Variants in ARPP21 observed in about 807,000 individuals in gnomAD.
ARPP21 encodes the protein cAMP-regulated phosphoprotein 21.
ARPP21 carries 69 observed loss-of-function variants against 113.2 expected under a neutral mutation model. That is an observed-to-expected ratio of 0.61 (90% CI 0.50 to 0.74). The LOEUF is 0.74. Ranked by LOEUF, ARPP21 falls within the 30% of genes least tolerant of loss-of-function variation. The pLI is 0.00. For missense variants in ARPP21, 1,070 were observed against 1,037.4 expected, an observed-to-expected ratio of 1.03 and a Z score of -0.43; for synonymous variants, 368 against 375.5, an observed-to-expected ratio of 0.98 and a Z score of 0.23.
chr3:35,686,113 G>A (rs1363862733), intron 5 of ARPP21, among the ~76,000 whole-genome samples: 1 of 151,622 alleles, frequency 6.6e-6, no homozygotes, highest in African/African-American at 2.4e-5. Context: ...TTTTGAAGAA[G>A]CAATGAGATG....
intron 1 of ARPP21, among the ~76,000 whole-genome samples, chr3:35,658,563 A>G (rs548470019): frequency 6.6e-6 from 1 of 152,210 alleles, no homozygotes; most frequent in African/African-American, 2.4e-5. Flanking sequence ...TGCAATATCA[A>G]TTTCTCTTGG....
chr3:35,715,625 T>G, intron 12 of ARPP21, 149 bp downstream of exon 12: 1 of 523,020 alleles, frequency 1.9e-6, no homozygotes, highest in Admixed American at 3.4e-5. Flanking sequence ...ACATATATGT[T>G]ATTTAACACA....
chr3:35,646,813 T>C (rs1175715012), intron 1 of ARPP21, among the ~76,000 whole-genome samples: 4 of 152,186 alleles, frequency 2.6e-5, no homozygotes, highest in Admixed American at 2.0e-4. Context: ...TACTTAGATA[T>C]GCTGATGTTG....
intron 13 of ARPP21, among the ~76,000 whole-genome samples, chr3:35,720,207 G>A (rs963961305): frequency 2.0e-5 from 3 of 152,094 alleles, no homozygotes; most frequent in African/African-American, 4.8e-5. Context: ...TCTTTCACTC[G>A]AAAGCGCTTT....
chr3:35,681,798 G>T lies in ARPP21; in HGVS notation c.47G>T (p.Gly16Val), dbSNP rs1481888266. The T allele has an allele frequency of 1.7e-5, 28 of 1,611,570 alleles. No homozygotes were observed. Among genetic ancestry groups the T allele is most frequent in the Non-Finnish European group, 2.4e-5 (28 of 1,178,318 alleles). ...AATCAGGCAATAGCAGAGGAAGGAG[G>T]GACTGAGCAGGAGACGGCCACTCCA... ...DLNQAIAEEG[G>V]TEQETATPEN... Residue 16 changes from glycine (G) to valine (V), a missense_variant, in exon 3 of 21, where the codon GGG becomes GTG. Transcript: ENST00000684406.
chr3:35,718,309 A>C (rs952879523), intron 13 of ARPP21, among the ~76,000 whole-genome samples: 4 of 152,146 alleles, frequency 2.6e-5, no homozygotes, highest in African/African-American at 9.7e-5. Context: ...TGAACTATTA[A>C]GTTTATTATG....
At chr3:35,705,330 T>C (rs1559682443) in intron 9 of ARPP21, among the ~76,000 whole-genome samples, 1 of 152,212 alleles carries the variant, frequency 6.6e-6, no homozygotes, top group African/African-American at 2.4e-5. Flanking sequence ...GAAATTGAAG[T>C]GTCTTGTGAC....
At chr3:35,777,996 A>C (rs943328005) in intron 19 of ARPP21, among the ~76,000 whole-genome samples, 3 of 152,228 alleles carry the variant, frequency 2.0e-5, no homozygotes, top group Non-Finnish European at 4.4e-5. Context: ...TTTGAGAGTT[A>C]ACATTTACTT....
chr3:35,738,189 C>A, intron 16 of ARPP21, 25 bp from the exon 17 acceptor site: 1 of 1,440,382 alleles, frequency 6.9e-7, no homozygotes, highest in Non-Finnish European at 9.4e-7. Flanking sequence ...TTTCTGTCAG[C>A]TGATCAATTT....
chr3:35,674,576 G>C (rs540164862), intron 1 of ARPP21, among the ~76,000 whole-genome samples: 2 of 151,924 alleles, frequency 1.3e-5, no homozygotes, highest in Admixed American at 6.6e-5. Flanking sequence ...AATAATGCAG[G>C]CATGTGATTT....
At chr3:35,736,829 G>T (rs2094382893) in intron 15 of ARPP21, among the ~76,000 whole-genome samples, 1 of 152,180 alleles carries the variant, frequency 6.6e-6, no homozygotes, top group Non-Finnish European at 1.5e-5. Flanking sequence ...CTCACTAATG[G>T]CTGTGAGGTG....
intron 9 of ARPP21, among the ~76,000 whole-genome samples, chr3:35,695,440 G>A (rs1302493605): frequency 1.3e-5 from 2 of 151,426 alleles, no homozygotes; most frequent in African/African-American, 2.4e-5. Context: ...GTCCTCAAAC[G>A]TTTTACACTA....
intron 9 of ARPP21, among the ~76,000 whole-genome samples, chr3:35,703,314 C>A (rs1455621266): frequency 6.6e-6 from 1 of 151,790 alleles, no homozygotes; most frequent in Non-Finnish European, 1.5e-5. Context: ...ATGACTAGAA[C>A]ACAAGAGTTT....
At chr3:35,707,127 G>T in intron 10 of ARPP21, 45 bp downstream of exon 10, 1 of 1,466,394 alleles carries the variant, frequency 6.8e-7, no homozygotes, top group Non-Finnish European at 9.5e-7. Context: ...TGTTTTTGAA[G>T]GTGGGCTGAC....
At chr3:35,648,799 T>C (rs1465243195) in intron 1 of ARPP21, among the ~76,000 whole-genome samples, 1 of 152,202 alleles carries the variant, frequency 6.6e-6, no homozygotes, top group Non-Finnish European at 1.5e-5. Context: ...TTATTTCCTA[T>C]TATAAAACAG....
chr3:35,732,773 G>A (rs1238607906), intron 15 of ARPP21, among the ~76,000 whole-genome samples: 1 of 152,134 alleles, frequency 6.6e-6, no homozygotes, highest in African/African-American at 2.4e-5. Context: ...TCACTTTGAG[G>A]AGCCTTTTAG....
intron 14 of ARPP21, among the ~76,000 whole-genome samples, chr3:35,728,880 C>T (rs1440555179): frequency 2.0e-5 from 3 of 152,132 alleles, no homozygotes; most frequent in Admixed American, 2.0e-4. Context: ...AGGGCTCTTC[C>T]TTAAGCTGCA....
At chr3:35,653,654 C>T (rs1342410403) in intron 1 of ARPP21, among the ~76,000 whole-genome samples, 4 of 152,042 alleles carry the variant, frequency 2.6e-5, no homozygotes, top group Non-Finnish European at 5.9e-5. Context: ...ATCTCTGCCT[C>T]TTACTCACCT....
rs758722955 is a variant in ARPP21, at chr3:35,793,752, C to G, written c.2338C>G (p.Pro780Ala). 11 of 1,613,686 alleles carry G rather than the reference C, an allele frequency of 6.8e-6. No individual in the cohort carries two copies. The highest frequency in any genetic ancestry group is 9.3e-6 in the Non-Finnish European group (11 of 1,179,592). Residue 780 changes from proline to alanine, a missense_variant, in exon 21 of 21, where the codon CCA (proline) becomes GCA (alanine). Pro to Ala is a conservative substitution (Grantham distance 27). Transcript: ENST00000684406. ...ACTGCCCCAGCAGTCATACCAACAGCCAATCATGCTACCTAACCAGGCAGG... is the reference window on the plus strand; with the variant it reads ...ACTGCCCCAGCAGTCATACCAACAGGCAATCATGCTACCTAACCAGGCAGG... Reference protein sequence around the residue: ...QGLPQQSYQQPIMLPNQAGQG... With the variant: ...QGLPQQSYQQAIMLPNQAGQG...
Sources: allele counts gnomAD v4.1 joint callset (sites outside exome capture counted in the v4.1 genomes callset), GRCh38; gene constraint gnomAD v4.1.1; transcripts MANE v1.5; gene names NCBI Gene and HGNC (gene_info 2026-07-23, HGNC 2026-07-21).